Variants in DGKB observed in about 807,000 individuals in gnomAD.
DGKB encodes the protein diacylglycerol kinase beta.
A neutral mutation model predicts 114.3 loss-of-function variants in DGKB; 67 were observed. That is an observed-to-expected ratio of 0.59 (90% confidence interval 0.48 to 0.72). DGKB has a LOEUF of 0.72. Among genes scored for constraint, DGKB ranks in the 30% least tolerant of loss-of-function variants. DGKB has a pLI of 0.00. For synonymous variants in DGKB, 398 were observed against 323.1 expected (o/e 1.23, Z -2.49); for missense variants, 907 against 975.2 (o/e 0.93, Z 0.93).
At chr7:14,648,393 C>T (rs1256738309) in intron 13 of DGKB, among the ~76,000 whole-genome samples, 3 of 152,174 alleles carry the variant, frequency 2.0e-5, no homozygotes, top group African/African-American at 7.2e-5. Context: ...ACACTCACAC[C>T]TCACAGGGCA....
chr7:14,584,162 C>G (rs573279390), intron 17 of DGKB, among the ~76,000 whole-genome samples: 1 of 152,224 alleles, frequency 6.6e-6, no homozygotes, highest in East Asian at 1.9e-4. Context: ...ATGCATATGT[C>G]ATGTGTTGCA....
At chr7:14,635,369 T>C (rs941649371) in intron 13 of DGKB, among the ~76,000 whole-genome samples, 1 of 93,630 alleles carries the variant, frequency 1.1e-5, no homozygotes, top group Non-Finnish European at 2.1e-5. Context: ...GAAGAAATTA[T>C]GGAGGAGGGT....
chr7:14,752,560 G>A (rs1255285541), intron 4 of DGKB, among the ~76,000 whole-genome samples: 1 of 152,116 alleles, frequency 6.6e-6, no homozygotes, highest in Non-Finnish European at 1.5e-5. Flanking sequence ...ATATGTGCAG[G>A]CTGTCATTCT....
chr7:14,266,642 C>A (rs1047185405), intron 23 of DGKB, among the ~76,000 whole-genome samples: 1 of 152,102 alleles, frequency 6.6e-6, no homozygotes, highest in Admixed American at 6.5e-5. Flanking sequence ...CAAAATACAC[C>A]TACCATTATT....
chr7:14,886,736 A>G (rs1855121794), intron 1 of DGKB, among the ~76,000 whole-genome samples: 11 of 151,890 alleles, frequency 7.2e-5, no homozygotes, highest in Admixed American at 7.2e-4. Context: ...GCCCACCTGC[A>G]GTTCATCCAG....
intron 13 of DGKB, among the ~76,000 whole-genome samples, chr7:14,661,248 A>G (rs1479148404): frequency 2.0e-5 from 3 of 147,882 alleles, no homozygotes; most frequent in African/African-American, 7.4e-5. Context: ...AAAAGAAGCT[A>G]CCATCTGAGT....
At chr7:14,697,538 C>T (rs1824172330) in intron 8 of DGKB, among the ~76,000 whole-genome samples, 1 of 151,906 alleles carries the variant, frequency 6.6e-6, no homozygotes, top group Non-Finnish European at 1.5e-5. Context: ...AGCTTCAGAA[C>T]CCCACATATA....
intron 13 of DGKB, among the ~76,000 whole-genome samples, chr7:14,643,083 G>C (rs1267505378): frequency 6.6e-6 from 1 of 152,116 alleles, no homozygotes; most frequent in African/African-American, 2.4e-5. Flanking sequence ...GCATCTAAGG[G>C]AGAACACAAA....
intron 1 of DGKB, among the ~76,000 whole-genome samples, chr7:14,973,184 A>C (rs1035286408): frequency 6.6e-6 from 1 of 152,008 alleles, no homozygotes. Context: ...TGAAGTTTCT[A>C]CATATCCAAT....
At chr7:14,290,193 A>T (rs1001723913) in intron 23 of DGKB, among the ~76,000 whole-genome samples, 2 of 152,198 alleles carry the variant, frequency 1.3e-5, no homozygotes, top group Non-Finnish European at 2.9e-5. Flanking sequence ...GCAACTTCAG[A>T]GTTTCAATGG....
intron 23 of DGKB, among the ~76,000 whole-genome samples, chr7:14,223,770 C>T (rs903437711): frequency 8.6e-5 from 13 of 151,662 alleles, no homozygotes; most frequent in African/African-American, 3.1e-4. Context: ...TTGATCAATA[C>T]AGAATTCATG....
intron 23 of DGKB, among the ~76,000 whole-genome samples, chr7:14,298,218 A>C (rs2128483308): frequency 6.6e-6 from 1 of 152,290 alleles, no homozygotes; most frequent in African/African-American, 2.4e-5. Context: ...CAAATTTCAT[A>C]TAGAACCAAA....
rs563938753 is a variant in DGKB at position 14,282,821 on chromosome 7, G to A, written c.2122+55694C>T. ...TTGACAAAATTCAACAACCTTTCAT[G>A]CTAAAAACGCTCAATAAATTAGGTA... On this transcript the variant is annotated intron_variant, in intron 23 of 25. Coordinates refer to ENST00000402815, the MANE Select transcript of DGKB (RefSeq NM_001350709.2). Among the ~76,000 whole-genome samples, 171 of 152,234 alleles carry A rather than the reference G, an allele frequency of 1.1e-3. 3 individuals carry two copies. The highest frequency in any genetic ancestry group is 4.0e-3 in the African/African-American group (168 of 41,524).
At chr7:14,657,216 C>A (rs994782456) in intron 13 of DGKB, among the ~76,000 whole-genome samples, 2 of 151,562 alleles carry the variant, frequency 1.3e-5, no homozygotes, top group African/African-American at 4.8e-5. Flanking sequence ...TATTATAGCA[C>A]CCTAGTTCTT....
At chr7:14,718,462 T>A (rs1375920067) in intron 6 of DGKB, 80 bp downstream of exon 6, 2 of 1,312,762 alleles carry the variant, frequency 1.5e-6, no homozygotes, top group Non-Finnish European at 2.1e-6. Flanking sequence ...ACTATACTAA[T>A]GCAATTTTAA....
chr7:14,471,471 G>T, intron 21 of DGKB, among the ~76,000 whole-genome samples: 1 of 145,828 alleles, frequency 6.9e-6, no homozygotes, highest in African/African-American at 2.5e-5. Context: ...AACACATAAA[G>T]AATAATAATT....
intron 23 of DGKB, among the ~76,000 whole-genome samples, chr7:14,210,682 TA>T (rs1247558669): frequency 2.0e-5 from 3 of 152,008 alleles, no homozygotes; most frequent in Non-Finnish European, 4.4e-5. Context: ...ACACAAAGAT[TA>T]TGTCCCTCTC....
intron 25 of DGKB, among the ~76,000 whole-genome samples, chr7:14,169,807 A>G (rs1160344854): frequency 1.3e-5 from 2 of 152,138 alleles, no homozygotes; most frequent in African/African-American, 4.8e-5. Flanking sequence ...TCTGTTTTAA[A>G]TGATAGAGTT....
chr7:14,407,638 TTAAAA>T (rs1824160609), intron 21 of DGKB, among the ~76,000 whole-genome samples: 1 of 152,126 alleles, frequency 6.6e-6, no homozygotes, highest in African/African-American at 2.4e-5. Flanking sequence ...TCATGTTTTA[TTAAAA>T]TAAACTGAAA....
Sources: allele counts gnomAD v4.1 joint callset (sites outside exome capture counted in the v4.1 genomes callset), GRCh38; gene constraint gnomAD v4.1.1; transcripts MANE v1.5; gene names NCBI Gene and HGNC (gene_info 2026-07-23, HGNC 2026-07-21).